The following ZNF467 variants were observed in gnomAD, a reference collection of about 807,000 sequenced individuals.
ZNF467 encodes zinc finger protein EZI.
In ZNF467, 51 loss-of-function variants were observed where a neutral mutation model predicts 47.8. That is an observed-to-expected ratio of 1.07 (90% CI 0.85 to 1.35). The LOEUF is 1.35. Among genes scored for constraint, ZNF467 ranks in the 40% most tolerant of loss-of-function variants. The pLI is 0.00. For synonymous variants in ZNF467, 416 were observed against 372.9 expected (o/e 1.12, Z -1.33); for missense variants, 992 against 858.1 (o/e 1.16, Z -1.95).
At chr7:149,772,618 A>C (rs1052335860) in intron 1 of ZNF467, among the ~76,000 whole-genome samples, 6 of 99,422 alleles carry the variant, frequency 6.0e-5, no homozygotes, top group African/African-American at 1.6e-4. Flanking sequence ...CCTCAGCTCC[A>C]CCTCCCTGCC....
chr7:149,764,327 T>TTAAAAAAAAAAA lies in ZNF467; in HGVS notation c.*386_*387insTTTTTTTTTTTA. On this transcript the variant is annotated 3_prime_UTR_variant, in exon 5 of 5. Transcript: ENST00000302017. ...GGGACAGTGGCTAAGGAGAGTCAGG[T>TTAAAAAAAAAAA]GTTCCCTCCCCCAATTCATTTAGCA... 1 of 526,052 alleles carries TTAAAAAAAAAAA rather than the reference T, an allele frequency of 1.9e-6. No individual in the cohort carries two copies. Among genetic ancestry groups the TTAAAAAAAAAAA allele is most frequent in the African/African-American group, 2.0e-5 (1 of 50,580 alleles). The allele number at this position is 526,052 out of a possible 1,614,324, so 32.6% of individuals were successfully genotyped here. A position where few individuals can be genotyped will look rare whatever the true frequency, so the allele number is the denominator to read the frequency against.
In ZNF467 at chr7:149,769,326, C is replaced by T. The variant is rs1799317897; in HGVS notation, c.152-126G>A. On this transcript the variant is annotated intron_variant, in intron 3 of 4. Coordinates refer to ENST00000302017, the MANE Select transcript of ZNF467 (RefSeq NM_207336.3). This position sits in a 1 kb window ranked among gnomAD's most constrained non-coding sequence, Gnocchi z 5.3. Reference sequence around the variant, plus strand: ...AGCAGGGCCCACAGGGTTCCTCCCACATCCTACCTGAATTAAGGGGCTGAG... The same window carrying T: ...AGCAGGGCCCACAGGGTTCCTCCCATATCCTACCTGAATTAAGGGGCTGAG... The T allele has an allele frequency of 1.2e-6, 1 of 810,526 alleles. No homozygotes were observed. Among genetic ancestry groups the T allele is most frequent in the African/African-American group, 1.7e-5 (1 of 57,400 alleles). 50.2% of individuals were successfully genotyped at this position (810,526 alleles called of 1,614,324 possible). A position where few individuals can be genotyped will look rare whatever the true frequency, so the allele number is the denominator to read the frequency against.
At position 149,767,902 on chromosome 7, in the gene ZNF467, C is replaced by T. The variant is rs139356714; in HGVS notation, c.262+1188G>A. Among the ~76,000 whole-genome samples the T allele has an allele frequency of 1.2e-3, 185 of 152,266 alleles. 1 individual carries two copies. The East Asian group carries it at 0.025, about 21-fold the overall frequency. ...ACAGGTTCTAGCTGCATCTGAGGCTCACCCCACCCTAGTCCAACTTTCTTT... is the reference window on the plus strand; with the variant it reads ...ACAGGTTCTAGCTGCATCTGAGGCTTACCCCACCCTAGTCCAACTTTCTTT... On this transcript the variant is annotated intron_variant, in intron 4 of 4. Transcript: ENST00000302017.
At chr7:149,766,443 G>A (rs898669122) in intron 4 of ZNF467, among the ~76,000 whole-genome samples, 18 of 152,142 alleles carry the variant, frequency 1.2e-4, no homozygotes, top group African/African-American at 3.9e-4. Flanking sequence ...AACACCACAC[G>A]GCTCCCGGGG....
In ZNF467 at chr7:149,764,547, C is replaced by A; in HGVS notation, c.*167G>T. The A allele has an allele frequency of 7.8e-7, 1 of 1,289,910 alleles. No homozygotes were observed. Among genetic ancestry groups the A allele is most frequent in the South Asian group, 1.3e-5 (1 of 79,118 alleles). 79.9% of individuals were successfully genotyped at this position (1,289,910 alleles called of 1,614,324 possible). On this transcript the variant is annotated 3_prime_UTR_variant, in exon 5 of 5. Transcript: ENST00000302017. ...CGCTGAGTCTCTGTCCTAGGAGGTC[C>A]GAGCTGGGTATGCTGTGCGGACGCA...
chr7:149,765,230 G>A lies in ZNF467; in HGVS notation c.1272C>T (p.Ala424=). Residue 424 remains alanine, a synonymous_variant, in exon 5 of 5, where the codon GCC becomes GCT. Coordinates refer to ENST00000302017, the MANE Select transcript of ZNF467 (RefSeq NM_207336.3). The part of the protein sequence containing the change: ...PGSDPVVPQR[A]PSGERSFFCP... ...AGAAGAAGGACCGCTCGCCCGAGGG[G>A]GCGCGCTGGGGCACCACGGGATCGG... 1 of 1,468,922 alleles carries A rather than the reference G, an allele frequency of 6.8e-7. No individual in the cohort carries two copies. 91.0% of individuals were successfully genotyped at this position (1,468,922 alleles called of 1,614,324 possible). A position where few individuals can be genotyped will look rare whatever the true frequency, so the allele number is the denominator to read the frequency against.
In ZNF467 at chr7:149,765,489, G is replaced by A. The variant is rs753697819; in HGVS notation, c.1013C>T (p.Pro338Leu). The change falls in exon 5 of 5, where the codon CCT (proline) becomes CTT (leucine). Residue 338 changes from proline (P) to leucine (L), a missense_variant. Transcript: ENST00000302017. Reference protein sequence around the residue: ...ARPSPDSSASPHSTAPSPTPS... With the variant: ...ARPSPDSSASLHSTAPSPTPS... ...GGTCGGGGACGGGGCAGTGGAATGA[G>A]GAGAAGCGGACGAGTCGGGAGAGGG... The A allele has an allele frequency of 1.3e-6, 2 of 1,584,754 alleles. No homozygotes were observed. Among genetic ancestry groups the A allele is most frequent in the East Asian group, 4.6e-5 (2 of 43,876 alleles).
At chr7:149,774,966 G>C (rs1191033159), upstream of ZNF467, among the ~76,000 whole-genome samples, 1 of 152,130 alleles carries the variant, frequency 6.6e-6, no homozygotes, top group Non-Finnish European at 1.5e-5. The surrounding 1 kb of genome is among the most constrained non-coding windows in gnomAD (Gnocchi z 5.7). Context: ...AGACCGAGGG[G>C]TGTGGAGTCG....
At chr7:149,771,825 C>G (rs1285427400) in intron 1 of ZNF467, among the ~76,000 whole-genome samples, 1 of 150,116 alleles carries the variant, frequency 6.7e-6, no homozygotes, top group Non-Finnish European at 1.5e-5. Flanking sequence ...GCCGGCGCCT[C>G]GGCTCCGCCC....
At chr7:149,768,835 C>T (rs1208252280) in intron 4 of ZNF467, among the ~76,000 whole-genome samples, 2 of 152,220 alleles carry the variant, frequency 1.3e-5, no homozygotes, top group Admixed American at 6.5e-5. Context: ...TTCTAGAAGG[C>T]ATTTGAGGGG....
rs1421459414 is a variant in ZNF467 at position 149,769,167 on chromosome 7, T to TG, written c.184dup (p.His62ProfsTer65). Reference sequence around the variant, plus strand: ...GCAGGGAGCCTCGGCTTGTTCTGTGTGGGCACCTTCCTCCGGTGTAGGGGC... The same window carrying TG: ...GCAGGGAGCCTCGGCTTGTTCTGTGTGGGGCACCTTCCTCCGGTGTAGGGGC... On this transcript the variant is annotated frameshift_variant, in exon 4 of 5. Transcript: ENST00000302017. LOFTEE classifies it high-confidence loss of function. This position sits in a 1 kb window ranked among gnomAD's most constrained non-coding sequence, Gnocchi z 5.3. 5 of 1,562,016 alleles carry TG rather than the reference T, an allele frequency of 3.2e-6. No homozygotes were observed. Among genetic ancestry groups the TG allele is most frequent in the Non-Finnish European group, 2.6e-6 (3 of 1,152,224 alleles).
chr7:149,775,845 C>T (rs1254432955), upstream of ZNF467, among the ~76,000 whole-genome samples: 7 of 152,134 alleles, frequency 4.6e-5, no homozygotes, highest in African/African-American at 1.2e-4. Context: ...AGGTCCAATC[C>T]GGTTGTGGGC....
intron 4 of ZNF467, among the ~76,000 whole-genome samples, chr7:149,767,056 A>G (rs1216936197): frequency 6.6e-6 from 1 of 152,220 alleles, no homozygotes; most frequent in Admixed American, 6.5e-5. Context: ...GGGTGCTGCA[A>G]TGGTCCAGCC....
chr7:149,765,851 C>T lies in ZNF467; in HGVS notation c.651G>A (p.Pro217=). The part of the protein sequence containing the change: ...QRSHRGERPF[P]CSECDKRFSK... The stretch of plus-strand genomic sequence containing the variant: ...TGAAGCGCTTGTCGCACTCGGAGCA[C>T]GGGAAAGGCCGCTCGCCGCGGTGGC... Residue 217 remains proline (P), a synonymous_variant, in exon 5 of 5, where the codon CCG becomes CCA. Transcript: ENST00000302017. The T allele has an allele frequency of 4.4e-6, 7 of 1,605,368 alleles. No homozygotes were observed. The highest frequency in any genetic ancestry group is 6.0e-6 in the Non-Finnish European group (7 of 1,176,456).
rs1301389809 is a variant in ZNF467, at chr7:149,765,480, G to T, written c.1022C>A (p.Thr341Asn). 2.3e-5 allele frequency: 36 copies of T among 1,586,024 alleles called. No homozygotes were observed. Among genetic ancestry groups the T allele is most frequent in the Non-Finnish European group, 3.1e-5 (36 of 1,167,128 alleles). Reference sequence around the variant, plus strand: ...AAAGGATGGGGTCGGGGACGGGGCAGTGGAATGAGGAGAAGCGGACGAGTC... The same window carrying T: ...AAAGGATGGGGTCGGGGACGGGGCATTGGAATGAGGAGAAGCGGACGAGTC... ...SPDSSASPHSTAPSPTPSFPG... is the reference protein window; with the variant it reads ...SPDSSASPHSNAPSPTPSFPG... The change falls in exon 5 of 5, where the codon ACT (threonine) becomes AAT (asparagine). Residue 341 changes from threonine (T) to asparagine (N), a missense_variant. Thr to Asn is a moderately conservative substitution (Grantham distance 65). Coordinates refer to ENST00000302017, the MANE Select transcript of ZNF467 (RefSeq NM_207336.3).
intron 1 of ZNF467, among the ~76,000 whole-genome samples, chr7:149,772,655 C>T (rs1044293745): frequency 6.7e-6 from 1 of 150,086 alleles, no homozygotes; most frequent in African/African-American, 2.5e-5. Flanking sequence ...CAGCTCCGAT[C>T]GCCGACTTCA....
chr7:149,765,656 G>A lies in ZNF467; in HGVS notation c.846C>T (p.Arg282=). 1.2e-6 allele frequency: 2 copies of A among 1,611,866 alleles called. No individual in the cohort carries two copies. Among genetic ancestry groups the A allele is most frequent in the Non-Finnish European group, 8.5e-7 (1 of 1,179,258 alleles). The change falls in exon 5 of 5, where the codon CGC becomes CGT. Residue 282 remains arginine, a synonymous_variant. Coordinates refer to ENST00000302017, the MANE Select transcript of ZNF467 (RefSeq NM_207336.3). The part of the protein sequence containing the change: ...FPCTECEKRF[R]KKTHLIRHQR... ...GGTGCCGAATCAAGTGCGTCTTCTT[G>A]CGAAAGCGCTTCTCGCATTCCGTGC...
intron 3 of ZNF467, 35 bp downstream of exon 3, chr7:149,770,405 C>T: frequency 6.6e-7 from 1 of 1,514,164 alleles, no homozygotes; most frequent in Non-Finnish European, 9.1e-7. Flanking sequence ...CAGGGGGACT[C>T]CTCCCTGAGC....
At chr7:149,772,305 T>C in intron 1 of ZNF467, among the ~76,000 whole-genome samples, 1 of 32,832 alleles carries the variant, frequency 3.0e-5, no homozygotes, top group Non-Finnish European at 5.5e-5. Context: ...GGCCCCCGCC[T>C]CCCTTCCCCC....
Sources: allele counts gnomAD v4.1 joint callset (sites outside exome capture counted in the v4.1 genomes callset), GRCh38; gene constraint gnomAD v4.1.1; non-coding constraint Gnocchi (gnomAD v3.1); transcripts MANE v1.5; gene names NCBI Gene and HGNC (gene_info 2026-07-23, HGNC 2026-07-21).